PRPF6: variants seen among roughly 807,000 people sequenced by gnomAD.
The protein encoded by PRPF6 is pre-mRNA processing factor 6.
PRPF6 carries 42 observed loss-of-function variants against 118.3 expected under a neutral mutation model. That is an observed-to-expected ratio of 0.35 (90% confidence interval 0.28 to 0.46). The LOEUF (loss-of-function observed/expected upper bound fraction) is 0.46, where lower values mean the gene tolerates loss of function less well. PRPF6 is among the 20% of genes least tolerant of loss of function. The pLI, the probability that PRPF6 is intolerant of heterozygous loss-of-function variation, is 1.00. For synonymous variants in PRPF6, 481 were observed against 485.1 expected, an observed-to-expected ratio of 0.99 and a Z score of 0.11; for missense variants, 662 against 1,255.7, an observed-to-expected ratio of 0.53 and a Z score of 7.15.
At chr20:63,998,135 C>A (rs2059149513) in intron 6 of PRPF6, among the ~76,000 whole-genome samples, 1 of 151,902 alleles carries the variant, frequency 6.6e-6, no homozygotes, top group Non-Finnish European at 1.5e-5. Flanking sequence ...TGCTCTGTCA[C>A]CCAGGCTGGA....
chr20:64,029,043 T>C lies in PRPF6; in HGVS notation c.2432-334T>C, dbSNP rs2059303525. 1.3e-5 allele frequency among the ~76,000 whole-genome samples: 2 copies of C among 152,150 alleles called. No homozygotes were observed. Among genetic ancestry groups the C allele is most frequent in the Admixed American group, 1.3e-4 (2 of 15,274 alleles). ...TGAGCTGGGCATGGTGGCGGGCGCC[T>C]GTAATCCCAGCTACTCGGGAGGCTG... On this transcript the variant is annotated intron_variant, in intron 18 of 20. Coordinates refer to ENST00000266079, the MANE Select transcript of PRPF6 (RefSeq NM_012469.4). This position sits in a 1 kb window ranked among gnomAD's most constrained non-coding sequence, Gnocchi z 4.8.
chr20:63,989,088 C>T (rs1035726900), intron 3 of PRPF6, among the ~76,000 whole-genome samples: 2 of 151,900 alleles, frequency 1.3e-5, no homozygotes, highest in African/African-American at 4.8e-5. Context: ...CAAATAGGTA[C>T]CTCTACAGTG....
chr20:63,989,138 G>C (rs1276791033), intron 3 of PRPF6, among the ~76,000 whole-genome samples: 1 of 152,154 alleles, frequency 6.6e-6, no homozygotes, highest in Non-Finnish European at 1.5e-5. Flanking sequence ...ATTTATTGGG[G>C]AAAAGACAAT....
chr20:64,016,295 G>T (rs2059237895), intron 11 of PRPF6, among the ~76,000 whole-genome samples: 1 of 151,844 alleles, frequency 6.6e-6, no homozygotes, highest in Non-Finnish European at 1.5e-5. Flanking sequence ...GCTAATTTTT[G>T]TATTTTATTT....
At chr20:64,010,396 G>C in intron 10 of PRPF6, 78 bp downstream of exon 10, 2 of 1,171,988 alleles carry the variant, frequency 1.7e-6, no homozygotes, top group Non-Finnish European at 2.5e-6. Flanking sequence ...TGGAAGTGAT[G>C]ATACAAGTGG....
At chr20:64,030,205 C>T (rs1951252721) in intron 19 of PRPF6, among the ~76,000 whole-genome samples, 1 of 152,186 alleles carries the variant, frequency 6.6e-6, no homozygotes, top group Admixed American at 6.5e-5. Context: ...GGAGCTGGGC[C>T]TGAGTGTGGG....
Position 64,031,952 on chromosome 20 carries a change from A to G in PRPF6, c.2581A>G (p.Arg861Gly). The G allele has an allele frequency of 1.2e-6, 2 of 1,614,166 alleles. No homozygotes were observed. Among genetic ancestry groups the G allele is most frequent in the Non-Finnish European group, 1.7e-6 (2 of 1,180,014 alleles). ...GAGTCAGCGGAAGATCACCAAGGCCAGGGAGTGGTTCCACCGCACTGTGAA... is the reference window on the plus strand; with the variant it reads ...GAGTCAGCGGAAGATCACCAAGGCCGGGGAGTGGTTCCACCGCACTGTGAA... ...FWSQRKITKAREWFHRTVKID... is the reference protein window; with the variant it reads ...FWSQRKITKAGEWFHRTVKID... The change falls in exon 20 of 21, where the codon AGG becomes GGG. Residue 861 changes from arginine to glycine, a missense_variant. Coordinates refer to ENST00000266079, the MANE Select transcript of PRPF6 (RefSeq NM_012469.4).
Position 64,026,606 on chromosome 20 carries a change from C to G in PRPF6, c.2029-376C>G, listed in dbSNP as rs2059292258. ...GGCCAAGGCAGGTAGATTGTGAGAT[C>G]AGGAGTTCGACACCAGCCTGACCAA... is the stretch of plus-strand genomic sequence containing the variant. On this transcript the variant is annotated intron_variant, in intron 15 of 20. Transcript: ENST00000266079. This position sits in a 1 kb window ranked among gnomAD's most constrained non-coding sequence, Gnocchi z 4.4. 6.6e-6 allele frequency among the ~76,000 whole-genome samples: 1 copy of G among 152,024 alleles called. No homozygotes were observed. Among genetic ancestry groups the G allele is most frequent in the Non-Finnish European group, 1.5e-5 (1 of 68,006 alleles).
Position 64,026,080 on chromosome 20 carries a change from T to C in PRPF6, c.2028+22T>C. The C allele has an allele frequency of 6.3e-7, 1 of 1,599,306 alleles. No homozygotes were observed. The highest frequency in any genetic ancestry group is 8.5e-7 in the Non-Finnish European group (1 of 1,179,460). On this transcript the variant is annotated intron_variant, in intron 15 of 20. Coordinates refer to ENST00000266079, the MANE Select transcript of PRPF6 (RefSeq NM_012469.4). The surrounding 1 kb of genome is among the most constrained non-coding windows in gnomAD (Gnocchi z 4.4). ...CCGGGTACGCAGTGGCAGGCAGGGC[T>C]GGGCCGTCTGGGGTGCATGGTGTGC...
intron 9 of PRPF6, among the ~76,000 whole-genome samples, chr20:64,006,664 G>A (rs1218374091): frequency 1.3e-5 from 2 of 152,160 alleles, no homozygotes; most frequent in Admixed American, 6.5e-5. Context: ...AGGCGGAGAC[G>A]GGACTCTTGG....
At position 63,993,394 on chromosome 20, in the gene PRPF6, T is replaced by A. The variant is rs1326924561; in HGVS notation, c.360-13T>A. On this transcript the variant is annotated splice_polypyrimidine_tract_variant and intron_variant, in intron 3 of 20. Coordinates refer to ENST00000266079, the MANE Select transcript of PRPF6 (RefSeq NM_012469.4). ...ATGCAGTGTTTCTGATGTGTGCATG[T>A]TTTATTTCCTAGGGAGCAAAGGGAG... The A allele has an allele frequency of 6.2e-7, 1 of 1,604,114 alleles. No individual in the cohort carries two copies. The highest frequency in any genetic ancestry group is 1.1e-5 in the South Asian group (1 of 90,884).
Position 63,999,118 on chromosome 20 carries a change from C to T in PRPF6, c.845C>T (p.Pro282Leu), listed in dbSNP as rs377270235. 28 of 1,613,750 alleles carry T rather than the reference C, an allele frequency of 1.7e-5. No homozygotes were observed. Among genetic ancestry groups the T allele is most frequent in the Non-Finnish European group, 2.2e-5 (26 of 1,179,914 alleles). ...CTGACGGATTTAAATTCCATGATCC[C>T]GACACACGGAGGAGACATCAAGTGA... ...GYLTDLNSMIPTHGGDINDIK... is the reference protein window; with the variant it reads ...GYLTDLNSMILTHGGDINDIK... The change falls in exon 7 of 21, where the codon CCG becomes CTG. Residue 282 changes from proline to leucine, a missense_variant. Around this residue, in one of 10 missense-constraint regions of PRPF6, gnomAD observed 71 missense variants for 166.4 expected, o/e 0.43. Coordinates refer to ENST00000266079, the MANE Select transcript of PRPF6 (RefSeq NM_012469.4).
At chr20:64,023,204 C>T (rs776367011) in intron 13 of PRPF6, among the ~76,000 whole-genome samples, 27 of 152,238 alleles carry the variant, frequency 1.8e-4, no homozygotes, top group Admixed American at 6.5e-5. Flanking sequence ...TGGCCGAGCA[C>T]TGGCTGCAGC....
chr20:63,983,322 A>T, intron 2 of PRPF6, 107 bp downstream of exon 2: 2 of 1,411,502 alleles, frequency 1.4e-6, no homozygotes, highest in Non-Finnish European at 2.0e-6. Context: ...TGGCTCATGC[A>T]TTTAAATTTT....
chr20:64,010,629 G>C (rs1258010035), intron 10 of PRPF6, among the ~76,000 whole-genome samples: 1 of 152,186 alleles, frequency 6.6e-6, no homozygotes, highest in East Asian at 1.9e-4. Context: ...CCCAGAGTTT[G>C]TCATGGGAGC....
chr20:63,998,863 C>T (rs2059153337), intron 6 of PRPF6, among the ~76,000 whole-genome samples, 182 bp from the exon 7 acceptor site: 7 of 151,158 alleles, frequency 4.6e-5, no homozygotes, highest in Non-Finnish European at 8.9e-5. Context: ...AAAAATAGAT[C>T]TTTTTCCATA....
chr20:63,988,327 A>AG (rs1336541405), intron 3 of PRPF6, among the ~76,000 whole-genome samples: 1 of 150,972 alleles, frequency 6.6e-6, no homozygotes, highest in Non-Finnish European at 1.5e-5. Flanking sequence ...CTCAAAAAAA[A>AG]AAAAAACCAA....
At chr20:63,985,556 A>T (rs973813215) in intron 3 of PRPF6, among the ~76,000 whole-genome samples, 1 of 152,220 alleles carries the variant, frequency 6.6e-6, no homozygotes, top group South Asian at 2.1e-4. Context: ...TCCAGAAATC[A>T]GCAGAATTTT....
intron 9 of PRPF6, among the ~76,000 whole-genome samples, chr20:64,009,967 T>C (rs192840652): frequency 6.6e-6 from 1 of 152,224 alleles, no homozygotes; most frequent in Non-Finnish European, 1.5e-5. Context: ...CCTGTTGATA[T>C]GACCCTGGCA....
Sources: gnomAD v4.1 joint callset for allele counts (sites outside exome capture counted in the v4.1 genomes callset) on GRCh38, gnomAD v4.1.1 for gene constraint, gnomAD v4.1.1 regional missense constraint, Gnocchi (gnomAD v3.1) non-coding constraint, MANE v1.5 for transcripts, NCBI Gene and HGNC (gene_info 2026-07-23, HGNC 2026-07-21) for gene names.